Variants in CENPP observed in about 807,000 individuals in gnomAD.
CENPP encodes centromere protein P.
A neutral mutation model predicts 35.6 loss-of-function variants in CENPP; 24 were observed. The observed-to-expected ratio is 0.67, with a 90% CI of 0.49 to 0.95. CENPP has a LOEUF of 0.95. Ranked by LOEUF, CENPP falls within the 40% of genes least tolerant of loss-of-function variation. CENPP has a pLI of 0.00. For synonymous variants in CENPP, 120 were observed against 125.5 expected, an observed-to-expected ratio of 0.96 and a Z score of 0.29; for missense variants, 332 against 345.3, an observed-to-expected ratio of 0.96 and a Z score of 0.31.
intron 5 of CENPP, among the ~76,000 whole-genome samples, chr9:92,532,029 A>ATTTTTTTTTTTTTTTTTTTTTTTTTTTT (rs201461115): frequency 5.5e-5 from 5 of 91,036 alleles, no homozygotes; most frequent in East Asian, 2.8e-4. Context: ...TTTTTTTTTT[A>ATTTTTTTTTTTTTTTTTTTTTTTTTTTT]TTTTATTTTT....
intron 5 of CENPP, among the ~76,000 whole-genome samples, chr9:92,478,554 A>G (rs564064196): frequency 2.0e-5 from 3 of 152,236 alleles, no homozygotes; most frequent in African/African-American, 2.4e-5. Context: ...CCCAGGTTCA[A>G]GTGATCCTCC....
intron 5 of CENPP, among the ~76,000 whole-genome samples, chr9:92,569,871 G>A (rs1161561418): frequency 6.6e-6 from 1 of 152,042 alleles, no homozygotes; most frequent in Non-Finnish European, 1.5e-5. Flanking sequence ...TCATGATTTG[G>A]CTCTCTGTTT....
intron 5 of CENPP, among the ~76,000 whole-genome samples, chr9:92,598,565 C>T (rs1476661794): frequency 1.3e-5 from 2 of 152,098 alleles, no homozygotes; most frequent in Non-Finnish European, 2.9e-5. Flanking sequence ...ACTGTGTGCA[C>T]AAGGGTCCAG....
At chr9:92,579,641 A>C (rs1850369781) in intron 5 of CENPP, among the ~76,000 whole-genome samples, 3 of 150,526 alleles carry the variant, frequency 2.0e-5, no homozygotes. Context: ...TGATTTTTGT[A>C]CATTGATTTT....
intron 5 of CENPP, chr9:92,502,517 G>C (rs1316047408): frequency 6.2e-7 from 1 of 1,611,790 alleles, no homozygotes; most frequent in Non-Finnish European, 8.5e-7. Context: ...ACTTACTCTT[G>C]ATTTATCCAG....
At chr9:92,533,298 T>TCAAA (rs1359163557) in intron 5 of CENPP, among the ~76,000 whole-genome samples, 31 of 25,644 alleles carry the variant, frequency 1.2e-3, no homozygotes, top group East Asian at 2.0e-3. Context: ...AGACTCGGTC[T>TCAAA]CAAACAAAAA....
At chr9:92,477,891 G>A (rs7868013) in intron 5 of CENPP, among the ~76,000 whole-genome samples, 56,312 of 152,026 alleles carry the variant, frequency 0.37, 12,767 homozygotes, top group African/African-American at 0.64. Flanking sequence ...TGACTTATGG[G>A]GTAGGAACAG....
rs779916407 is a variant in CENPP, at chr9:92,417,015, T to C, written c.564+37156T>C. ...ATGGTCAAGTTTACTAGCCCATCCA[T>C]AGCATTTGTCTGCAGTTTGGAGATT... On this transcript the variant is annotated intron_variant, in intron 5 of 7. Coordinates refer to ENST00000375587, the MANE Select transcript of CENPP (RefSeq NM_001012267.3). The C allele has an allele frequency of 3.7e-6, 6 of 1,614,052 alleles. No homozygotes were observed. In the South Asian group the frequency reaches 5.5e-5, roughly 15 times the overall value.
Position 92,619,180 on chromosome 9 carries a change from G to A in CENPP, c.*6031G>A. The A allele has an allele frequency of 3.2e-6, 1 of 314,224 alleles. No individual in the cohort carries two copies. The highest frequency in any genetic ancestry group is 4.6e-5 in the South Asian group (1 of 21,872). The allele number at this position is 314,224 out of a possible 1,614,324, so 19.5% of individuals were successfully genotyped here. On this transcript the variant is annotated 3_prime_UTR_variant, in exon 8 of 8. Coordinates refer to ENST00000375587, the MANE Select transcript of CENPP (RefSeq NM_001012267.3). The stretch of plus-strand genomic sequence containing the variant: ...AGGGGCTGGCTTTCTTTGAGGGAAT[G>A]CAATGGGCAGCTCACTGTCCACATT...
At chr9:92,331,469 G>C (rs78262118) in intron 1 of CENPP, among the ~76,000 whole-genome samples, 5,422 of 152,246 alleles carry the variant, frequency 0.036, 127 homozygotes, top group South Asian at 0.082. Flanking sequence ...CGTGAGCCAC[G>C]GCGCCTGGCC....
chr9:92,474,810 T>C (rs1413655119), intron 5 of CENPP: 1 of 1,613,960 alleles, frequency 6.2e-7, no homozygotes, highest in East Asian at 2.2e-5. Flanking sequence ...TCCTTCAGCA[T>C]CATATTCTTC....
intron 5 of CENPP, chr9:92,404,740 C>T (rs1410523888): frequency 1.1e-6 from 1 of 926,512 alleles, no homozygotes; most frequent in Non-Finnish European, 1.4e-6. Flanking sequence ...TTTGTTGTAA[C>T]TGCTGCACTC....
intron 5 of CENPP, among the ~76,000 whole-genome samples, chr9:92,405,005 G>A (rs553618715): frequency 3.6e-4 from 55 of 152,138 alleles, no homozygotes; most frequent in African/African-American, 1.3e-3. Context: ...TATATAGCCA[G>A]TGTAATATAT....
intron 5 of CENPP, among the ~76,000 whole-genome samples, chr9:92,552,196 C>CACAA (rs767283505): frequency 0.013 from 1,905 of 144,866 alleles, 65 homozygotes; most frequent in Middle Eastern, 0.031. Context: ...CATATACACA[C>CACAA]ACACACACAC....
At chr9:92,501,938 T>C (rs1846705254) in intron 5 of CENPP, among the ~76,000 whole-genome samples, 2 of 152,232 alleles carry the variant, frequency 1.3e-5, no homozygotes, top group Non-Finnish European at 1.5e-5. Flanking sequence ...TGGCCTGCAC[T>C]GTTAGGCCAA....
chr9:92,601,178 C>CT (rs1268369659), intron 5 of CENPP, among the ~76,000 whole-genome samples: 1 of 152,148 alleles, frequency 6.6e-6, no homozygotes, highest in East Asian at 1.9e-4. Flanking sequence ...ACTACATGGA[C>CT]GTATTTACTT....
At chr9:92,547,509 C>A (rs1422619126) in intron 5 of CENPP, among the ~76,000 whole-genome samples, 1 of 152,226 alleles carries the variant, frequency 6.6e-6, no homozygotes, top group Admixed American at 6.5e-5. Context: ...CTGAAAGTGT[C>A]ACCACATGGA....
chr9:92,571,334 T>G (rs1047908289), intron 5 of CENPP, among the ~76,000 whole-genome samples: 3 of 152,244 alleles, frequency 2.0e-5, no homozygotes, highest in Non-Finnish European at 4.4e-5. Context: ...CATTTCGTTA[T>G]GTACCCATTA....
intron 5 of CENPP, among the ~76,000 whole-genome samples, chr9:92,463,541 A>T (rs1375857015): frequency 2.0e-5 from 3 of 152,246 alleles, no homozygotes; most frequent in Non-Finnish European, 4.4e-5. Flanking sequence ...GAACATAAAG[A>T]ATGGCCATGT....
Sources: allele counts gnomAD v4.1 joint callset (sites outside exome capture counted in the v4.1 genomes callset), GRCh38; gene constraint gnomAD v4.1.1; transcripts MANE v1.5; gene names NCBI Gene and HGNC (gene_info 2026-07-23, HGNC 2026-07-21).